Variants in EOGT observed in about 807,000 individuals in gnomAD.
EOGT encodes the protein EGF domain-specific O-linked N-acetylglucosamine transferase.
A neutral mutation model predicts 70.5 loss-of-function variants in EOGT; 55 were observed. That is an observed-to-expected ratio of 0.78 (90% CI 0.63 to 0.98). The LOEUF (loss-of-function observed/expected upper bound fraction) is 0.98. EOGT is among the 50% of genes least tolerant of loss of function. EOGT has a pLI of 0.00. For synonymous variants in EOGT, 246 were observed against 217.1 expected, an observed-to-expected ratio of 1.13 and a Z score of -1.17; for missense variants, 703 against 641.9, an observed-to-expected ratio of 1.10 and a Z score of -1.03.
intron 10 of EOGT, among the ~76,000 whole-genome samples, chr3:68,997,661 G>A (rs1016855946): frequency 9.9e-5 from 15 of 152,042 alleles, no homozygotes; most frequent in Non-Finnish European, 1.9e-4. Context: ...GAGCCACCAC[G>A]CCCTGCTGAA....
At chr3:68,994,564 G>A (rs2091091586) in intron 10 of EOGT, among the ~76,000 whole-genome samples, 1 of 152,156 alleles carries the variant, frequency 6.6e-6, no homozygotes. Context: ...GGCCAAGGCA[G>A]GCGGATCACC....
chr3:69,006,781 T>A (rs140236929), intron 6 of EOGT, among the ~76,000 whole-genome samples: 1 of 152,218 alleles, frequency 6.6e-6, no homozygotes, highest in Non-Finnish European at 1.5e-5. Context: ...TCTGATCCAC[T>A]GAGGTACGAT....
chr3:69,009,443 A>T (rs2091514983), intron 4 of EOGT, among the ~76,000 whole-genome samples, 194 bp downstream of exon 4: 1 of 152,206 alleles, frequency 6.6e-6, no homozygotes. Flanking sequence ...TAGATTTTAA[A>T]TTTCTCTCTT....
At chr3:68,999,720 T>G (rs746830599) in intron 9 of EOGT, among the ~76,000 whole-genome samples, 1 of 152,222 alleles carries the variant, frequency 6.6e-6, no homozygotes, top group Non-Finnish European at 1.5e-5. Flanking sequence ...TTTCCCAGGT[T>G]AGCCATAGAG....
rs192477842 is a variant in EOGT at position 69,010,918 on chromosome 3, C to T, written c.-15+1018G>A. ...AATGAAGGTGCAGTCACGAACTAAA[C>T]TCATTGCCCTTGTGAAGCTTACATG... On this transcript the variant is annotated intron_variant, in intron 3 of 17. Transcript: ENST00000383701. Among the ~76,000 whole-genome samples, 441 of 152,316 alleles carry T rather than the reference C, an allele frequency of 2.9e-3. 1 individual carries two copies. Among genetic ancestry groups the T allele is most frequent in the African/African-American group, 0.01 (424 of 41,576 alleles).
At chr3:68,987,390 A>C in intron 14 of EOGT, 55 bp downstream of exon 14, 1 of 1,278,196 alleles carries the variant, frequency 7.8e-7, no homozygotes, top group African/African-American at 1.5e-5. Flanking sequence ...AAAAAAACAC[A>C]ATTTGCTCTA....
intron 9 of EOGT, 74 bp downstream of exon 9, chr3:69,001,534 G>T: frequency 2.0e-6 from 2 of 1,000,784 alleles, no homozygotes; most frequent in Non-Finnish European, 2.9e-6. Flanking sequence ...AATTCAGAGA[G>T]AATTACTACA....
intron 13 of EOGT, chr3:68,987,935 G>C (rs2090863416): frequency 3.0e-6 from 1 of 329,184 alleles, no homozygotes; most frequent in Admixed American, 4.7e-5. Context: ...GTTTTGTTTT[G>C]GGGCAGTCTT....
intron 10 of EOGT, among the ~76,000 whole-genome samples, chr3:68,992,735 A>G (rs1403608513): frequency 1.3e-5 from 2 of 152,204 alleles, no homozygotes; most frequent in Non-Finnish European, 2.9e-5. Flanking sequence ...GAGGTTCTTC[A>G]TGAGAGCCCC....
chr3:68,982,742 G>T, intron 15 of EOGT, 69 bp downstream of exon 15: 2 of 1,157,810 alleles, frequency 1.7e-6, no homozygotes, highest in Non-Finnish European at 2.5e-6. Flanking sequence ...CTGGAAAAAT[G>T]CTTTCTAGCC....
intron 8 of EOGT, among the ~76,000 whole-genome samples, chr3:69,002,016 C>T (rs1389916268): frequency 2.0e-5 from 3 of 152,130 alleles, no homozygotes; most frequent in Non-Finnish European, 2.9e-5. Flanking sequence ...ACGGTGAAAC[C>T]CCATCTCTAC....
At chr3:68,988,636 C>A (rs2090889483) in intron 11 of EOGT, 59 bp from the exon 12 acceptor site, 1 of 1,026,198 alleles carries the variant, frequency 9.7e-7, no homozygotes, top group Non-Finnish European at 1.4e-6. Context: ...CCAAAAATAG[C>A]ACGTATAATT....
chr3:69,006,708 A>C (rs1192102225), intron 6 of EOGT, among the ~76,000 whole-genome samples: 2 of 152,180 alleles, frequency 1.3e-5, no homozygotes, highest in Non-Finnish European at 2.9e-5. Context: ...TCAGGATCTG[A>C]ATTGTAGTTG....
intron 14 of EOGT, among the ~76,000 whole-genome samples, chr3:68,985,096 T>A (rs1342837121): frequency 6.6e-6 from 1 of 152,168 alleles, no homozygotes; most frequent in Admixed American, 6.5e-5. Context: ...GGGCACAATG[T>A]ACAAAAGGAG....
At chr3:68,985,708 C>G (rs2090786800) in intron 14 of EOGT, among the ~76,000 whole-genome samples, 1 of 152,224 alleles carries the variant, frequency 6.6e-6, no homozygotes. Context: ...ATAACAACTT[C>G]TGATCAATCT....
At chr3:68,995,780 C>T (rs756650960) in intron 10 of EOGT, among the ~76,000 whole-genome samples, 1 of 152,136 alleles carries the variant, frequency 6.6e-6, no homozygotes, top group Non-Finnish European at 1.5e-5. Context: ...GACGACAGAG[C>T]ACTGTGGTGT....
chr3:68,979,828 A>G, intron 15 of EOGT, 41 bp from the exon 16 acceptor site: 5 of 1,603,920 alleles, frequency 3.1e-6, no homozygotes, highest in Non-Finnish European at 4.3e-6. Flanking sequence ...TGGGGAGAAG[A>G]GAGAAGTATT....
intron 3 of EOGT, 149 bp downstream of exon 3, chr3:69,011,787 A>G (rs2107421570): frequency 6.6e-6 from 1 of 152,078 alleles, no homozygotes; most frequent in East Asian, 1.9e-4. Flanking sequence ...CCTCAAGAGT[A>G]TGGTGTTATC....
chr3:69,011,288 C>T (rs1279650762), intron 3 of EOGT, among the ~76,000 whole-genome samples: 1 of 147,850 alleles, frequency 6.8e-6, no homozygotes. Context: ...TGGGTCATAC[C>T]GGAAAACCCA....
Sources: gnomAD v4.1 joint callset for allele counts (sites outside exome capture counted in the v4.1 genomes callset) on GRCh38, gnomAD v4.1.1 for gene constraint, MANE v1.5 for transcripts, NCBI Gene and HGNC (gene_info 2026-07-23, HGNC 2026-07-21) for gene names.